The following SRGAP3 variants were observed in gnomAD, a reference collection of about 807,000 sequenced individuals.
SRGAP3 encodes SLIT-ROBO Rho GTPase-activating protein 3.
In SRGAP3, 39 loss-of-function variants were observed where a neutral mutation model predicts 121.1. The observed-to-expected ratio is 0.32, with a 90% CI of 0.25 to 0.42. The LOEUF is 0.42. Ranked by LOEUF, SRGAP3 falls within the 10% of genes least tolerant of loss-of-function variation. The pLI is 1.00. For missense variants in SRGAP3, 1,213 were observed against 1,470.6 expected, an observed-to-expected ratio of 0.82 and a Z score of 2.86; for synonymous variants, 601 against 570.0, an observed-to-expected ratio of 1.05 and a Z score of -0.77.
chr3:9,242,829 C>T (rs1349994530), intron 1 of SRGAP3, among the ~76,000 whole-genome samples: 2 of 152,082 alleles, frequency 1.3e-5, no homozygotes, highest in African/African-American at 4.8e-5. Flanking sequence ...GGATTACAGG[C>T]ATGTATCACC....
rs564570375 is a variant in SRGAP3, at chr3:9,213,865, C to T, written c.67+35020G>A. Among the ~76,000 whole-genome samples the T allele has an allele frequency of 2.0e-5, 3 of 152,258 alleles. No homozygotes were observed. The South Asian group carries it at 6.2e-4, about 32-fold the overall frequency. Reference sequence around the variant, plus strand: ...TCCAATTCCCTAAGCTTGTTGTTCCCACCCCAGGGACTTTGCACTTGCTGC... The same window carrying T: ...TCCAATTCCCTAAGCTTGTTGTTCCTACCCCAGGGACTTTGCACTTGCTGC... On this transcript the variant is annotated intron_variant, in intron 1 of 21. Transcript: ENST00000383836.
chr3:9,186,926 G>T (rs1031716591), intron 1 of SRGAP3, among the ~76,000 whole-genome samples: 1 of 152,040 alleles, frequency 6.6e-6, no homozygotes, highest in East Asian at 1.9e-4. Context: ...GTCTCCCCAC[G>T]TTCTTACTTT....
At chr3:9,358,238 C>T (rs907760159) in intron 1 of SRGAP3, among the ~76,000 whole-genome samples, 8 of 151,724 alleles carry the variant, frequency 5.3e-5, no homozygotes, top group Admixed American at 5.3e-4. Context: ...ACCTGCCAAC[C>T]CCCTACTTCC....
At chr3:9,310,781 C>T (rs1955228001) in intron 3 of SRGAP3, among the ~76,000 whole-genome samples, 1 of 152,168 alleles carries the variant, frequency 6.6e-6, no homozygotes, top group African/African-American at 2.4e-5. Context: ...TAGTCCTAAA[C>T]CTAACTTTTC....
At chr3:9,340,294 T>C (rs770528511) in intron 1 of SRGAP3, among the ~76,000 whole-genome samples, 3 of 152,216 alleles carry the variant, frequency 2.0e-5, no homozygotes, top group Non-Finnish European at 4.4e-5. Context: ...ATGATTTCCC[T>C]CTGTGCTCTC....
intron 4 of SRGAP3, among the ~76,000 whole-genome samples, chr3:9,077,709 G>C (rs1241296193): frequency 6.6e-6 from 1 of 152,220 alleles, no homozygotes; most frequent in Non-Finnish European, 1.5e-5. Context: ...GCCAGCACAG[G>C]GAGGTGTGCA....
rs397795766 is a variant in SRGAP3, at chr3:9,142,829, CTTTTTTT to C, written c.68-17919_68-17913del. On this transcript the variant is annotated intron_variant, in intron 1 of 21. Coordinates refer to ENST00000383836, the MANE Select transcript of SRGAP3 (RefSeq NM_014850.4). Reference sequence around the variant, plus strand: ...GTCAACCAAGTTGGTGGGCAATTTCCTTTTTTTTTTTTTTTTTTTTTTTGATAAGACA... The same window carrying C: ...GTCAACCAAGTTGGTGGGCAATTTCCTTTTTTTTTTTTTTTTGATAAGACA... Among the ~76,000 whole-genome samples, 368 of 90,862 alleles carry C rather than the reference CTTTTTTT, an allele frequency of 4.1e-3. 3 individuals carry two copies. The highest frequency in any genetic ancestry group is 6.1e-3 in the Non-Finnish European group (307 of 50,502). The allele number at this position is 90,862 out of a possible 152,430, so 59.6% of individuals were successfully genotyped here. A position where few individuals can be genotyped will look rare whatever the true frequency, so the allele number is the denominator to read the frequency against.
chr3:9,224,155 G>C (rs1437217329), intron 1 of SRGAP3, among the ~76,000 whole-genome samples: 4 of 152,126 alleles, frequency 2.6e-5, no homozygotes. Context: ...CAACAGTCAG[G>C]TTTCGTCACC....
At chr3:9,130,735 T>C (rs1289431155) in intron 1 of SRGAP3, among the ~76,000 whole-genome samples, 1 of 152,256 alleles carries the variant, frequency 6.6e-6, no homozygotes, top group Non-Finnish European at 1.5e-5. Flanking sequence ...ACCTCTTGCA[T>C]TCTTTTTGTA....
At chr3:9,192,274 G>C (rs975201486) in intron 1 of SRGAP3, among the ~76,000 whole-genome samples, 1 of 152,184 alleles carries the variant, frequency 6.6e-6, no homozygotes, top group Admixed American at 6.5e-5. Flanking sequence ...GTATCGCTGG[G>C]GCTTTGGGCC....
intron 3 of SRGAP3, among the ~76,000 whole-genome samples, chr3:9,081,693 T>C (rs1399938298): frequency 6.6e-6 from 1 of 152,236 alleles, no homozygotes; most frequent in Non-Finnish European, 1.5e-5. Flanking sequence ...CAGTCCTATT[T>C]CCATGAAGTG....
intron 1 of SRGAP3, among the ~76,000 whole-genome samples, chr3:9,153,274 G>C (rs535432007): frequency 6.6e-6 from 1 of 152,106 alleles, no homozygotes; most frequent in Non-Finnish European, 1.5e-5. Flanking sequence ...AATAATAATA[G>C]GTAACATTTA....
chr3:9,256,998 C>G (rs78718528), intron 3 of SRGAP3: 7,531 of 396,626 alleles, frequency 0.019, 99 homozygotes, highest in Middle Eastern at 0.03. Context: ...TAGCTGGCAC[C>G]CAGTAAGTGC....
At chr3:9,247,375 G>A (rs144738674) in intron 1 of SRGAP3, among the ~76,000 whole-genome samples, 226 of 152,234 alleles carry the variant, frequency 1.5e-3, no homozygotes, top group Middle Eastern at 6.8e-3. Flanking sequence ...GGAAGAGCAG[G>A]GTTTTCTGCT....
rs1941443365 is a variant in SRGAP3 at position 8,982,075 on chromosome 3, G to A, written c.*3444C>T. 1.3e-5 allele frequency: 3 copies of A among 226,420 alleles called. No individual in the cohort carries two copies. The highest frequency in any genetic ancestry group is 1.4e-3 in the Middle Eastern group (1 of 726). The allele number at this position is 226,420 out of a possible 1,614,324, so 14.0% of individuals were successfully genotyped here. A position where few individuals can be genotyped will look rare whatever the true frequency, so the allele number is the denominator to read the frequency against. On this transcript the variant is annotated 3_prime_UTR_variant, in exon 22 of 22. Coordinates refer to ENST00000383836, the MANE Select transcript of SRGAP3 (RefSeq NM_014850.4). ...GAGAGTGGGGTAGGAAGCACAGCTT[G>A]TTCTCAATTTTATCCAAAAAGCTCT...
chr3:9,342,898 A>G (rs1955815650), intron 1 of SRGAP3, among the ~76,000 whole-genome samples: 1 of 152,202 alleles, frequency 6.6e-6, no homozygotes, highest in African/African-American at 2.4e-5. Flanking sequence ...GTTTCACAGA[A>G]AGCTGAAATG....
intron 4 of SRGAP3, among the ~76,000 whole-genome samples, chr3:9,070,391 G>C (rs541576640): frequency 1.4e-4 from 21 of 152,370 alleles, no homozygotes; most frequent in African/African-American, 4.8e-4. Context: ...GCATGACTGA[G>C]ACCTCCTTGA....
At chr3:9,193,297 C>T (rs542844878) in intron 1 of SRGAP3, 2 of 152,426 alleles carry the variant, frequency 1.3e-5, no homozygotes, top group African/African-American at 4.8e-5. Flanking sequence ...CATCCGATTG[C>T]TCTTTTTTCT....
rs1334383439 is a variant in SRGAP3 at position 9,132,810 on chromosome 3, TG to T, written c.68-7894del. Among the ~76,000 whole-genome samples the T allele has an allele frequency of 2.6e-5, 4 of 150,982 alleles. No homozygotes were observed. The East Asian group carries it at 5.8e-4, about 22-fold the overall frequency. On this transcript the variant is annotated intron_variant, in intron 1 of 21. Coordinates refer to ENST00000383836, the MANE Select transcript of SRGAP3 (RefSeq NM_014850.4). Reference sequence around the variant, plus strand: ...ATTTTTATAGCAGTTTTAGGCTTACTGAAAAAAAGGAATTACATTTTTAAAT... The same window carrying T: ...ATTTTTATAGCAGTTTTAGGCTTACTAAAAAAAGGAATTACATTTTTAAAT...
Sources: gnomAD v4.1 joint callset for allele counts (sites outside exome capture counted in the v4.1 genomes callset) on GRCh38, gnomAD v4.1.1 for gene constraint, MANE v1.5 for transcripts, NCBI Gene and HGNC (gene_info 2026-07-23, HGNC 2026-07-21) for gene names.